WRN: variants seen among roughly 807,000 people sequenced by gnomAD.
WRN encodes WRN RecQ like helicase.
Under a neutral mutation model 180.7 loss-of-function variants are expected in WRN, and 149 were observed. That is an observed-to-expected ratio of 0.82 (90% CI 0.72 to 0.94). The LOEUF is 0.94. Ranked by LOEUF, WRN falls within the 40% of genes least tolerant of loss-of-function variation. WRN has a pLI of 0.00. For synonymous variants in WRN, 548 were observed against 568.9 expected (o/e 0.96, Z 0.52); for missense variants, 1,661 against 1,700.1 (o/e 0.98, Z 0.40).
At chr8:31,120,150 T>G in intron 20 of WRN, 93 bp from the exon 21 acceptor site, 4 of 1,495,574 alleles carry the variant, frequency 2.7e-6, no homozygotes, top group Non-Finnish European at 3.7e-6. Flanking sequence ...GGGACTTAAG[T>G]TAACGAACAA....
intron 21 of WRN, among the ~76,000 whole-genome samples, chr8:31,121,062 T>C (rs567571226): frequency 7.9e-5 from 12 of 152,118 alleles, no homozygotes; most frequent in Admixed American, 3.3e-4. Context: ...AAGTAGTTTG[T>C]TGGCACTTAA....
rs939331089 is a variant in WRN, at chr8:31,175,891, T to A, written c.*2789T>A. Among the ~76,000 whole-genome samples the A allele has an allele frequency of 1.3e-5, 2 of 152,266 alleles. No homozygotes were observed. The highest frequency in any genetic ancestry group is 2.9e-5 in the Non-Finnish European group (2 of 68,044). On this transcript the variant is annotated 3_prime_UTR_variant, in exon 35 of 35. Transcript: ENST00000298139. ...GTACTTGGTTTACTACTGCTATTTTTAAATAAAACAAGAAACATTTTTAAA... is the reference window on the plus strand; with the variant it reads ...GTACTTGGTTTACTACTGCTATTTTAAAATAAAACAAGAAACATTTTTAAA...
rs566277794 is a variant in WRN, at chr8:31,150,444, A to T, written c.3676A>T (p.Asn1226Tyr). 6.2e-7 allele frequency: 1 copy of T among 1,614,128 alleles called. No homozygotes were observed. The highest frequency in any genetic ancestry group is 8.5e-7 in the Non-Finnish European group (1 of 1,179,972). The change falls in exon 31 of 35, where the codon AAT becomes TAT. Residue 1226 changes from asparagine (N) to tyrosine (Y), a missense_variant. Physicochemically the swap from Asn to Tyr is moderately radical, Grantham distance 143 (BLOSUM62 -2). Around this residue, in one of 3 missense-constraint regions of WRN, gnomAD observed 1,141 missense variants for 1,149.4 expected, o/e 0.99. Transcript: ENST00000298139. ...AGTCATCAAACATTTCTGCCAAACA[A>T]ATAGTGTTCAGGTAAAATACTGTGG... ...LEVIKHFCQT[N>Y]SVQTDLFSST...
At chr8:31,110,212 G>A (rs1801251809) in intron 18 of WRN, among the ~76,000 whole-genome samples, 1 of 152,150 alleles carries the variant, frequency 6.6e-6, no homozygotes, top group Non-Finnish European at 1.5e-5. Context: ...TAACACAGAT[G>A]CACCCATGTT....
chr8:31,100,767 A>G, intron 17 of WRN, 82 bp from the exon 18 acceptor site: 1 of 1,147,508 alleles, frequency 8.7e-7, no homozygotes, highest in East Asian at 2.4e-5. Context: ...TTGGTTATTT[A>G]TTCTCCTTTG....
chr8:31,048,779 A>C (rs1252483806), intron 1 of WRN, among the ~76,000 whole-genome samples: 1 of 152,198 alleles, frequency 6.6e-6, no homozygotes. Context: ...GGTATTGACA[A>C]CCAAACGGAA....
intron 16 of WRN, among the ~76,000 whole-genome samples, chr8:31,092,455 G>A (rs934535203): frequency 6.7e-6 from 1 of 150,328 alleles, no homozygotes; most frequent in African/African-American, 2.4e-5. Flanking sequence ...GTGTGTGTGT[G>A]TGTGTATATG....
At chr8:31,146,786 G>C (rs1391363735) in intron 28 of WRN, among the ~76,000 whole-genome samples, 1 of 152,196 alleles carries the variant, frequency 6.6e-6, no homozygotes, top group East Asian at 1.9e-4. Context: ...GGTTGAGGAA[G>C]AGAATGGGAC....
chr8:31,085,065 A>G, intron 10 of WRN, 101 bp from the exon 11 acceptor site: 5 of 1,003,060 alleles, frequency 5.0e-6, no homozygotes, highest in Non-Finnish European at 7.6e-6. Context: ...GGGAAGAGGA[A>G]GCTGTCTAAA....
At chr8:31,159,617 C>T (rs1423711410) in intron 33 of WRN, among the ~76,000 whole-genome samples, 1 of 151,762 alleles carries the variant, frequency 6.6e-6, no homozygotes, top group Non-Finnish European at 1.5e-5. Flanking sequence ...CACAATAAAT[C>T]CCTCCCCCCA....
In WRN at chr8:31,111,815, T is replaced by C; in HGVS notation, c.2273+16T>C. 6.2e-7 allele frequency: 1 copy of C among 1,613,028 alleles called. No homozygotes were observed. The highest frequency in any genetic ancestry group is 2.2e-5 in the East Asian group (1 of 44,842). Reference sequence around the variant, plus strand: ...TCAAAACAAGGTAAGGATTTAATGGTTGATGAATTTTGGTAATGATTTCCT... The same window carrying C: ...TCAAAACAAGGTAAGGATTTAATGGCTGATGAATTTTGGTAATGATTTCCT... On this transcript the variant is annotated intron_variant, in intron 19 of 34. Coordinates refer to ENST00000298139, the MANE Select transcript of WRN (RefSeq NM_000553.6).
intron 9 of WRN, among the ~76,000 whole-genome samples, chr8:31,082,627 A>G (rs1024847056): frequency 1.3e-5 from 2 of 151,488 alleles, no homozygotes; most frequent in Non-Finnish European, 2.9e-5. Flanking sequence ...GATGGAATCT[A>G]TCTCTGTCGC....
intron 1 of WRN, among the ~76,000 whole-genome samples, chr8:31,052,662 C>T (rs1038371359): frequency 1.3e-5 from 2 of 152,298 alleles, no homozygotes; most frequent in African/African-American, 2.4e-5. Flanking sequence ...ACTGGGATTA[C>T]ACACGTGAGC....
intron 11 of WRN, 187 bp from the exon 12 acceptor site, chr8:31,087,589 C>T (rs540530854): frequency 1.4e-5 from 8 of 559,594 alleles, no homozygotes; most frequent in South Asian, 4.0e-5. Flanking sequence ...TTTGGCCTTG[C>T]GCCTTAGAAA....
At chr8:31,036,215 A>T (rs914843423) in intron 1 of WRN, among the ~76,000 whole-genome samples, 1 of 152,190 alleles carries the variant, frequency 6.6e-6, no homozygotes, top group African/African-American at 2.4e-5. Context: ...TTATGGCTTA[A>T]TACTATTCCA....
At chr8:31,138,889 A>T (rs531466248) in intron 24 of WRN, among the ~76,000 whole-genome samples, 4 of 152,298 alleles carry the variant, frequency 2.6e-5, no homozygotes, top group Non-Finnish European at 4.4e-5. Flanking sequence ...TGCTTTACCT[A>T]ATTTCATCCT....
chr8:31,175,702 A>G lies in WRN; in HGVS notation c.*2600A>G, dbSNP rs574858624. ...GCCTGTGCAAAGTCAGATTTTTTTC[A>G]TATACTTCAGCCAAAACAGCATATC... On this transcript the variant is annotated 3_prime_UTR_variant, in exon 35 of 35. Coordinates refer to ENST00000298139, the MANE Select transcript of WRN (RefSeq NM_000553.6). Among the ~76,000 whole-genome samples, 300 of 152,324 alleles carry G rather than the reference A, an allele frequency of 2.0e-3. 3 individuals carry two copies. The highest frequency in any genetic ancestry group is 6.9e-3 in the African/African-American group (286 of 41,578).
chr8:31,088,021 G>C (rs1469270741), intron 12 of WRN, 101 bp downstream of exon 12: 1 of 1,538,222 alleles, frequency 6.5e-7, no homozygotes, highest in Non-Finnish European at 8.8e-7. Context: ...GGGACTTTGT[G>C]GCATATAGTT....
At chr8:31,045,512 C>T (rs1037780930) in intron 1 of WRN, among the ~76,000 whole-genome samples, 2 of 151,860 alleles carry the variant, frequency 1.3e-5, no homozygotes, top group Non-Finnish European at 2.9e-5. Flanking sequence ...AAGCAATTCT[C>T]CTGCCTCAGC....
Sources: allele counts gnomAD v4.1 joint callset (sites outside exome capture counted in the v4.1 genomes callset), GRCh38; gene constraint gnomAD v4.1.1; regional missense constraint gnomAD v4.1.1; transcripts MANE v1.5; gene names NCBI Gene and HGNC (gene_info 2026-07-23, HGNC 2026-07-21).